Variants in PTPRA observed in about 807,000 individuals in gnomAD.
The protein encoded by PTPRA is receptor-type tyrosine-protein phosphatase alpha.
PTPRA carries 25 observed loss-of-function variants against 104.8 expected under a neutral mutation model. The observed-to-expected ratio is 0.24, with a 90% confidence interval of 0.17 to 0.33. The LOEUF (loss-of-function observed/expected upper bound fraction) is 0.33, where lower values mean the gene tolerates loss of function less well. Among genes scored for constraint, PTPRA ranks in the 10% least tolerant of loss-of-function variants. PTPRA has a pLI of 1.00. For synonymous variants in PTPRA, 323 were observed against 368.9 expected (o/e 0.88, Z 1.43); for missense variants, 765 against 1,015.3 (o/e 0.75, Z 3.35).
intron 1 of PTPRA, among the ~76,000 whole-genome samples, chr20:2,877,656 A>G (rs1277845400): frequency 6.6e-6 from 1 of 152,198 alleles, no homozygotes; most frequent in Non-Finnish European, 1.5e-5. Context: ...ATAGCCCAAC[A>G]TTAAAATTTA....
rs918937890 is a variant in PTPRA at position 2,958,717 on chromosome 20, C to T, written c.-6-5555C>T. Among the ~76,000 whole-genome samples, 181 of 147,640 alleles carry T rather than the reference C, an allele frequency of 1.2e-3. 1 individual carries two copies. Among genetic ancestry groups the T allele is most frequent in the African/African-American group, 4.0e-3 (160 of 40,050 alleles). On this transcript the variant is annotated intron_variant, in intron 3 of 23. Coordinates refer to ENST00000399903, the MANE Select transcript of PTPRA (RefSeq NM_001385305.1). Reference sequence around the variant, plus strand: ...CAAAAATTAGCCAGGCATGGTGGCACGCGCCTGTAATCCCAGCTACTTGGG... The same window carrying T: ...CAAAAATTAGCCAGGCATGGTGGCATGCGCCTGTAATCCCAGCTACTTGGG...
chr20:2,906,986 T>A (rs1297129756), intron 1 of PTPRA, among the ~76,000 whole-genome samples: 1 of 152,190 alleles, frequency 6.6e-6, no homozygotes, highest in African/African-American at 2.4e-5. Context: ...TCCTAAAAAT[T>A]ATTCTGGAAA....
intron 9 of PTPRA, among the ~76,000 whole-genome samples, chr20:3,003,971 G>A (rs2063746361): frequency 6.6e-6 from 1 of 152,140 alleles, no homozygotes; most frequent in South Asian, 2.1e-4. Flanking sequence ...CTACACATGA[G>A]ATTATTTCCT....
chr20:2,967,792 T>C (rs1005220755), intron 5 of PTPRA, among the ~76,000 whole-genome samples: 20 of 152,078 alleles, frequency 1.3e-4, no homozygotes, highest in Admixed American at 6.5e-5. Context: ...GCCCAGGAGG[T>C]TGAGGCTGCA....
chr20:2,942,276 A>T (rs555374149), intron 2 of PTPRA, among the ~76,000 whole-genome samples: 1 of 152,292 alleles, frequency 6.6e-6, no homozygotes, highest in East Asian at 1.9e-4. Context: ...GTTGTGGTAT[A>T]ATTATAACAT....
chr20:2,967,116 A>T (rs2061974972), intron 5 of PTPRA, among the ~76,000 whole-genome samples: 1 of 152,178 alleles, frequency 6.6e-6, no homozygotes, highest in Non-Finnish European at 1.5e-5. Flanking sequence ...AGGTTAAATG[A>T]TTTGTTTTAG....
rs2065846522 is a variant in PTPRA, at chr20:3,037,298, C to T, written c.2334+9C>T. ...ACATGGTCCAGACACTGGTATGCTGCCCACATATTTGTCCCTGCCACCACA... is the reference window on the plus strand; with the variant it reads ...ACATGGTCCAGACACTGGTATGCTGTCCACATATTTGTCCCTGCCACCACA... On this transcript the variant is annotated intron_variant, in intron 23 of 23. Transcript: ENST00000399903. The surrounding 1 kb of genome is among the most constrained non-coding windows in gnomAD (Gnocchi z 4.3). 1.2e-6 allele frequency: 2 copies of T among 1,613,470 alleles called. No individual in the cohort carries two copies. Among genetic ancestry groups the T allele is most frequent in the Non-Finnish European group, 1.7e-6 (2 of 1,179,656 alleles).
Position 2,924,016 on chromosome 20 carries a change from T to C in PTPRA, c.-50+731T>C, listed in dbSNP as rs192219520. ...ATCCACCTTTGAGAAATGAAAAATA[T>C]ATGTCTACACAAAAGTGCACATACA... On this transcript the variant is annotated intron_variant, in intron 2 of 23. Transcript: ENST00000399903. 8.6e-4 allele frequency among the ~76,000 whole-genome samples: 131 copies of C among 152,296 alleles called. 1 individual carries two copies. Among genetic ancestry groups the C allele is most frequent in the Non-Finnish European group, 1.5e-3 (100 of 68,022 alleles).
intron 1 of PTPRA, among the ~76,000 whole-genome samples, chr20:2,907,777 A>G (rs2059481031): frequency 6.6e-6 from 1 of 152,122 alleles, no homozygotes; most frequent in Admixed American, 6.5e-5. Flanking sequence ...ACTCATTCAA[A>G]AGAGATGGAA....
Position 3,002,988 on chromosome 20 carries a change from A to G in PTPRA, c.739-2068A>G, listed in dbSNP as rs951433962. Among the ~76,000 whole-genome samples, 24 of 152,188 alleles carry G rather than the reference A, an allele frequency of 1.6e-4. 1 individual carries two copies. The highest frequency in any genetic ancestry group is 2.9e-5 in the Non-Finnish European group (2 of 68,046). On this transcript the variant is annotated intron_variant, in intron 9 of 23. Transcript: ENST00000399903. ...TTCTTCCACCTCTGGGTTACCACAG[A>G]TGCTGTTCTCTGTGTCTGGAATACT...
Position 3,037,909 on chromosome 20 carries a change from T to G in PTPRA, c.2335-150T>G, listed in dbSNP as rs2065883047. ...CGGAAGGGGAATGCTGTCAGAACTC[T>G]GGCAGGCAGATCAGAGCTCAGGTGA... On this transcript the variant is annotated intron_variant, in intron 23 of 23. Coordinates refer to ENST00000399903, the MANE Select transcript of PTPRA (RefSeq NM_001385305.1). The surrounding 1 kb of genome is among the most constrained non-coding windows in gnomAD (Gnocchi z 4.3). 1 of 675,040 alleles carries G rather than the reference T, an allele frequency of 1.5e-6. No individual in the cohort carries two copies. The highest frequency in any genetic ancestry group is 1.9e-5 in the South Asian group (1 of 53,490). The allele number at this position is 675,040 out of a possible 1,614,324, so 41.8% of individuals were successfully genotyped here. A position where few individuals can be genotyped will look rare whatever the true frequency, so the allele number is the denominator to read the frequency against.
chr20:3,008,573 T>C (rs1256594438), intron 11 of PTPRA, among the ~76,000 whole-genome samples: 1 of 151,918 alleles, frequency 6.6e-6, no homozygotes, highest in Non-Finnish European at 1.5e-5. Context: ...GTGAATATAC[T>C]TAATGCTACA....
rs572691475 is a variant in PTPRA at position 2,950,227 on chromosome 20, A to G, written c.-7+2203A>G. Reference sequence around the variant, plus strand: ...TCAGGTCTTTTGTTCTTCCTGGGCTAGTTTTTTATTCTTTTTCTAGAGATT... The same window carrying G: ...TCAGGTCTTTTGTTCTTCCTGGGCTGGTTTTTTATTCTTTTTCTAGAGATT... On this transcript the variant is annotated intron_variant, in intron 3 of 23. Coordinates refer to ENST00000399903, the MANE Select transcript of PTPRA (RefSeq NM_001385305.1). This position sits in a 1 kb window ranked among gnomAD's most constrained non-coding sequence, Gnocchi z 4.0. 6.6e-6 allele frequency among the ~76,000 whole-genome samples: 1 copy of G among 151,984 alleles called. No individual in the cohort carries two copies. The highest frequency in any genetic ancestry group is 2.4e-5 in the African/African-American group (1 of 41,466).
At chr20:3,016,565 T>C (rs2064464173) in intron 12 of PTPRA, among the ~76,000 whole-genome samples, 1 of 152,132 alleles carries the variant, frequency 6.6e-6, no homozygotes, top group African/African-American at 2.4e-5. Context: ...CTGGGCAACA[T>C]AGTGAAACCC....
At chr20:3,032,569 C>T (rs555584308) in intron 20 of PTPRA, among the ~76,000 whole-genome samples, 58 of 150,880 alleles carry the variant, frequency 3.8e-4, no homozygotes, top group African/African-American at 1.2e-3. Context: ...AGATCGAGAC[C>T]AGCCTGGCCA....
rs2064868307 is a variant in PTPRA, at chr20:3,021,512, G to A, written c.1161+84G>A. On this transcript the variant is annotated intron_variant, in intron 14 of 23. Coordinates refer to ENST00000399903, the MANE Select transcript of PTPRA (RefSeq NM_001385305.1). ...GAACAGGCTGGATCATCCCGCTGTG[G>A]TCAGGAGTTGCTGAGTATGCAGTAT... The A allele has an allele frequency of 2.6e-6, 4 of 1,552,578 alleles. No homozygotes were observed. The East Asian group carries it at 9.1e-5, about 36-fold the overall frequency.
At chr20:2,886,034 G>A (rs1293803229) in intron 1 of PTPRA, among the ~76,000 whole-genome samples, 1 of 152,170 alleles carries the variant, frequency 6.6e-6, no homozygotes, top group East Asian at 1.9e-4. Context: ...ACTCCAGTGT[G>A]GGCGACAGAG....
chr20:2,901,120 G>A (rs3787476), intron 1 of PTPRA, among the ~76,000 whole-genome samples: 2,336 of 151,844 alleles, frequency 0.015, 121 homozygotes, highest in Admixed American at 0.09. Flanking sequence ...ACAGGCGCGC[G>A]ACACCACACC....
At chr20:3,036,159 A>C (rs1304281497) in intron 22 of PTPRA, among the ~76,000 whole-genome samples, 1 of 152,174 alleles carries the variant, frequency 6.6e-6, no homozygotes, top group African/African-American at 2.4e-5. Flanking sequence ...TAATGTTCAG[A>C]TAGTGGGCAG....
Sources: allele counts gnomAD v4.1 joint callset (sites outside exome capture counted in the v4.1 genomes callset), GRCh38; gene constraint gnomAD v4.1.1; non-coding constraint Gnocchi (gnomAD v3.1); transcripts MANE v1.5; gene names NCBI Gene and HGNC (gene_info 2026-07-23, HGNC 2026-07-21).